RARB: variants seen among roughly 807,000 people sequenced by gnomAD.
RARB encodes HBV-activated protein.
Under a neutral mutation model 51.9 loss-of-function variants are expected in RARB, and 17 were observed. The ratio of observed to expected loss-of-function variants is 0.33; its 90% CI spans 0.22 to 0.49. The LOEUF (loss-of-function observed/expected upper bound fraction) is 0.49. Ranked by LOEUF, RARB falls within the 20% of genes least tolerant of loss-of-function variation. The probability of loss-of-function intolerance (pLI) is 0.99; values close to 1 mark genes in which losing one functional copy is unlikely to be tolerated. For missense variants in RARB, 369 were observed against 550.8 expected (o/e 0.67, Z 3.30); for synonymous variants, 215 against 195.4 (o/e 1.10, Z -0.84).
chr3:25,227,037 G>T (rs1702070790), intron 5 of RARB, among the ~76,000 whole-genome samples: 1 of 152,192 alleles, frequency 6.6e-6, no homozygotes, highest in South Asian at 2.1e-4. Flanking sequence ...GTTTCGAGTT[G>T]TAGTCCACTA....
intron 4 of RARB, among the ~76,000 whole-genome samples, chr3:25,172,162 G>T (rs770302520): frequency 4.6e-5 from 7 of 152,178 alleles, no homozygotes; most frequent in Non-Finnish European, 8.8e-5. Flanking sequence ...AATATTAATA[G>T]GCCAGGGATT....
intron 5 of RARB, among the ~76,000 whole-genome samples, chr3:25,400,621 G>A (rs1707238720): frequency 6.6e-6 from 1 of 152,176 alleles, no homozygotes; most frequent in African/African-American, 2.4e-5. Flanking sequence ...CCTTAGAAGA[G>A]TTCTGATAGG....
intron 4 of RARB, among the ~76,000 whole-genome samples, chr3:25,173,632 A>T (rs1311545981): frequency 6.6e-6 from 1 of 152,232 alleles, no homozygotes; most frequent in East Asian, 1.9e-4. Context: ...TTAGAATAGC[A>T]TTAAATAGTT....
chr3:25,122,126 A>G (rs1699794002), intron 3 of RARB, among the ~76,000 whole-genome samples: 1 of 152,144 alleles, frequency 6.6e-6, no homozygotes, highest in Non-Finnish European at 1.5e-5. Context: ...TCAATGCCAG[A>G]TCTCACACTA....
intron 5 of RARB, among the ~76,000 whole-genome samples, chr3:25,273,857 A>G (rs1014459932): frequency 6.6e-6 from 1 of 152,158 alleles, no homozygotes; most frequent in Non-Finnish European, 1.5e-5. Context: ...TTTTAGCAAC[A>G]TCCTTTTCAG....
chr3:24,831,355 A>G (rs1702278772), intron 1 of RARB, among the ~76,000 whole-genome samples: 2 of 152,200 alleles, frequency 1.3e-5, no homozygotes, highest in African/African-American at 4.8e-5. Flanking sequence ...GCCATTAACG[A>G]TTGTAATTTA....
At chr3:25,435,933 A>C (rs929668637) in intron 1 of RARB, among the ~76,000 whole-genome samples, 2 of 152,066 alleles carry the variant, frequency 1.3e-5, no homozygotes, top group Non-Finnish European at 1.5e-5. Context: ...ATTTTATTAC[A>C]AAAAAAATCA....
At chr3:25,366,627 C>A (rs1303543060) in intron 5 of RARB, among the ~76,000 whole-genome samples, 2 of 152,124 alleles carry the variant, frequency 1.3e-5, no homozygotes, top group Non-Finnish European at 2.9e-5. Flanking sequence ...GCTCATGGTT[C>A]CTAAATACTG....
At chr3:25,468,352 C>A (rs191209274) in intron 2 of RARB, among the ~76,000 whole-genome samples, 30 of 133,494 alleles carry the variant, frequency 2.2e-4, no homozygotes, top group African/African-American at 8.6e-4. Context: ...TGGGTGCCTT[C>A]TGTACACTAG....
intron 2 of RARB, among the ~76,000 whole-genome samples, chr3:24,966,564 G>A (rs971949191): frequency 6.6e-6 from 1 of 150,550 alleles, no homozygotes; most frequent in African/African-American, 2.5e-5. Flanking sequence ...AATGTCAAAG[G>A]TCATTTCTAC....
intron 2 of RARB, among the ~76,000 whole-genome samples, chr3:25,043,262 G>A (rs879693539): frequency 6.6e-6 from 1 of 152,068 alleles, no homozygotes; most frequent in Admixed American, 6.5e-5. Context: ...GTATTTCTAT[G>A]ACATAATTAT....
At chr3:25,303,575 G>A (rs1704089661) in intron 5 of RARB, among the ~76,000 whole-genome samples, 1 of 152,202 alleles carries the variant, frequency 6.6e-6, no homozygotes, top group East Asian at 1.9e-4. Flanking sequence ...TTGCTGGGCA[G>A]ATACCAGCAG....
At chr3:25,193,374 A>G (rs1701150021) in intron 5 of RARB, among the ~76,000 whole-genome samples, 1 of 152,098 alleles carries the variant, frequency 6.6e-6, no homozygotes, top group Admixed American at 6.6e-5. Context: ...TTAAAATAAA[A>G]AAAACCTGTT....
intron 2 of RARB, among the ~76,000 whole-genome samples, chr3:25,002,758 G>A (rs201135266): frequency 0.014 from 1,814 of 125,182 alleles, 12 homozygotes; most frequent in African/African-American, 0.04. Context: ...CTGTGTGTGT[G>A]TGTATATATA....
intron 1 of RARB, among the ~76,000 whole-genome samples, chr3:25,440,520 C>A (rs1708623492): frequency 6.6e-6 from 1 of 151,508 alleles, no homozygotes; most frequent in African/African-American, 2.4e-5. Context: ...CACCTGTAAT[C>A]CCAGCACTTT....
chr3:25,296,647 GA>G (rs998609880), intron 5 of RARB, among the ~76,000 whole-genome samples: 19 of 152,150 alleles, frequency 1.2e-4, no homozygotes, highest in Middle Eastern at 3.4e-3. Flanking sequence ...ACTGGAGGGG[GA>G]AAAAAACCCT....
chr3:25,401,325 G>A (rs1205598901), intron 5 of RARB, among the ~76,000 whole-genome samples: 3 of 152,112 alleles, frequency 2.0e-5, no homozygotes, highest in Non-Finnish European at 4.4e-5. Flanking sequence ...CCTTCAGAAA[G>A]GGTGAAGCCT....
At chr3:25,443,567 T>G (rs1050394004) in intron 1 of RARB, among the ~76,000 whole-genome samples, 1 of 146,532 alleles carries the variant, frequency 6.8e-6, no homozygotes, top group Non-Finnish European at 1.5e-5. Flanking sequence ...GAGCCAAGAT[T>G]GCACCATCGT....
At chr3:25,316,888 T>G (rs576299025) in intron 5 of RARB, among the ~76,000 whole-genome samples, 6 of 152,290 alleles carry the variant, frequency 3.9e-5, no homozygotes, top group Middle Eastern at 3.4e-3. Context: ...TCTAAGAAAC[T>G]ATCCAGTTAA....
Sources: allele counts gnomAD v4.1 joint callset (sites outside exome capture counted in the v4.1 genomes callset), GRCh38; gene constraint gnomAD v4.1.1; transcripts MANE v1.5; gene names NCBI Gene and HGNC (gene_info 2026-07-23, HGNC 2026-07-21).